The following DKK2 variants were observed in gnomAD, a reference collection of about 807,000 sequenced individuals.
DKK2 encodes the protein dickkopf-related protein 2.
In DKK2, 11 loss-of-function variants were observed where a neutral mutation model predicts 28.1. The ratio of observed to expected loss-of-function variants is 0.39; its 90% CI spans 0.25 to 0.65. DKK2 has a LOEUF of 0.65. Ranked by LOEUF, DKK2 falls within the 30% of genes least tolerant of loss-of-function variation. The probability of loss-of-function intolerance (pLI) is 0.47; values close to 1 mark genes in which losing one functional copy is unlikely to be tolerated. For synonymous variants in DKK2, 135 were observed against 126.5 expected (o/e 1.07, Z -0.45); for missense variants, 326 against 335.5 (o/e 0.97, Z 0.22).
intron 1 of DKK2, among the ~76,000 whole-genome samples, chr4:106,997,288 A>G (rs1723286488): frequency 6.6e-6 from 1 of 152,196 alleles, no homozygotes; most frequent in African/African-American, 2.4e-5. Context: ...CTTTCAAAAA[A>G]TATTTATGAA....
In DKK2 at chr4:106,955,114, A is replaced by T. The variant is rs533665696; in HGVS notation, c.223-29165T>A. Among the ~76,000 whole-genome samples the T allele has an allele frequency of 5.3e-5, 8 of 152,284 alleles. No homozygotes were observed. In the South Asian group the frequency reaches 1.5e-3, roughly 28 times the overall value. On this transcript the variant is annotated intron_variant, in intron 1 of 3. Coordinates refer to ENST00000285311, the MANE Select transcript of DKK2 (RefSeq NM_014421.3). ...ATCAAGTAATAATGAACAAGACATA[A>T]TGTACTATAATTTAATGTTAATTAT...
intron 1 of DKK2, among the ~76,000 whole-genome samples, chr4:106,992,248 A>C (rs972681136): frequency 3.8e-4 from 58 of 152,324 alleles, no homozygotes; most frequent in African/African-American, 1.1e-3. Context: ...CTAAAGGTTT[A>C]GGTTTACTAA....
intron 1 of DKK2, among the ~76,000 whole-genome samples, chr4:106,929,988 G>A (rs527460957): frequency 1.3e-5 from 2 of 152,248 alleles, no homozygotes; most frequent in African/African-American, 2.4e-5. Flanking sequence ...GGTGACCTAT[G>A]TGCTGAAGTT....
intron 1 of DKK2, among the ~76,000 whole-genome samples, chr4:106,994,453 A>T (rs1267781494): frequency 6.8e-6 from 1 of 147,886 alleles, no homozygotes; most frequent in African/African-American, 2.5e-5. Context: ...CTCTTTTCCT[A>T]TCTCTCTCTT....
chr4:107,031,782 T>C (rs1291983870), intron 1 of DKK2, among the ~76,000 whole-genome samples: 3 of 151,874 alleles, frequency 2.0e-5, no homozygotes, highest in African/African-American at 4.8e-5. Flanking sequence ...AATCCAAAGG[T>C]TTTTCATTCA....
At chr4:106,939,968 T>C (rs1007784350) in intron 1 of DKK2, among the ~76,000 whole-genome samples, 1 of 152,172 alleles carries the variant, frequency 6.6e-6, no homozygotes, top group Non-Finnish European at 1.5e-5. Flanking sequence ...TCAAGATGGA[T>C]TACAGACTTA....
Position 107,035,427 on chromosome 4 carries a change from C to A in DKK2, c.165G>T (p.Ala55=). The A allele has an allele frequency of 6.2e-7, 1 of 1,614,184 alleles. No individual in the cohort carries two copies. The highest frequency in any genetic ancestry group is 1.1e-5 in the South Asian group (1 of 91,086). ...CGAATGCCAGTCCTTGGTACATGCCCGCAGATCGATTGGCGGCCTGACCAG... is the reference window on the plus strand; with the variant it reads ...CGAATGCCAGTCCTTGGTACATGCCAGCAGATCGATTGGCGGCCTGACCAG... ...ETPGQAANRS[A]GMYQGLAFGG... The change falls in exon 1 of 4, where the codon GCG becomes GCT. Residue 55 remains alanine, a synonymous_variant. Coordinates refer to ENST00000285311, the MANE Select transcript of DKK2 (RefSeq NM_014421.3).
At chr4:106,997,174 T>C (rs983372725) in intron 1 of DKK2, among the ~76,000 whole-genome samples, 1 of 152,170 alleles carries the variant, frequency 6.6e-6, no homozygotes, top group African/African-American at 2.4e-5. Context: ...CTTTTTCCAG[T>C]TATAATACAG....
At chr4:106,960,179 A>C (rs899706734) in intron 1 of DKK2, among the ~76,000 whole-genome samples, 4 of 150,402 alleles carry the variant, frequency 2.7e-5, no homozygotes, top group African/African-American at 9.7e-5. Context: ...TAGTAATACT[A>C]CTATAATAGA....
intron 1 of DKK2, among the ~76,000 whole-genome samples, chr4:107,027,639 C>T (rs1560595054): frequency 6.6e-6 from 1 of 152,092 alleles, no homozygotes; most frequent in Non-Finnish European, 1.5e-5. Flanking sequence ...GGGGCTATCT[C>T]ACTTTGGAAA....
At chr4:106,958,500 C>A (rs1722635719) in intron 1 of DKK2, among the ~76,000 whole-genome samples, 1 of 151,884 alleles carries the variant, frequency 6.6e-6, no homozygotes, top group Admixed American at 6.6e-5. Flanking sequence ...TTTATGGGGG[C>A]ATGCCAAGCA....
At chr4:107,023,466 A>G (rs1217763165) in intron 1 of DKK2, among the ~76,000 whole-genome samples, 3 of 152,098 alleles carry the variant, frequency 2.0e-5, no homozygotes, top group African/African-American at 7.2e-5. Flanking sequence ...AAGATAATGA[A>G]TATCAGGCAT....
intron 1 of DKK2, among the ~76,000 whole-genome samples, chr4:106,932,179 G>A (rs983593182): frequency 6.6e-6 from 1 of 152,094 alleles, no homozygotes; most frequent in Non-Finnish European, 1.5e-5. Flanking sequence ...TTTAAGGCTA[G>A]GGTAGTTAGA....
intron 2 of DKK2, among the ~76,000 whole-genome samples, chr4:106,925,332 T>C (rs942172390): frequency 1.1e-4 from 16 of 152,246 alleles, no homozygotes; most frequent in African/African-American, 3.6e-4. Context: ...TCATTGATAT[T>C]GGATGAAGCC....
At chr4:106,982,844 C>A (rs548586983) in intron 1 of DKK2, among the ~76,000 whole-genome samples, 2 of 148,052 alleles carry the variant, frequency 1.4e-5, no homozygotes, top group South Asian at 4.3e-4. Context: ...TCACAACTAG[C>A]CTGGGCAACA....
chr4:106,956,766 G>A (rs1448071033), intron 1 of DKK2, among the ~76,000 whole-genome samples: 2 of 151,684 alleles, frequency 1.3e-5, no homozygotes, highest in African/African-American at 4.9e-5. Flanking sequence ...ATGGATTAAA[G>A]ACTTAAACAT....
intron 1 of DKK2, among the ~76,000 whole-genome samples, chr4:106,944,214 A>T (rs1026919339): frequency 7.9e-5 from 12 of 152,086 alleles, no homozygotes; most frequent in Admixed American, 6.6e-5. Flanking sequence ...ATTTTTCCAA[A>T]TGCTTGCCTC....
At chr4:106,977,356 C>T (rs1722960691) in intron 1 of DKK2, among the ~76,000 whole-genome samples, 1 of 152,152 alleles carries the variant, frequency 6.6e-6, no homozygotes, top group Non-Finnish European at 1.5e-5. Context: ...TTCCATTCTC[C>T]CCGTTACTTT....
At chr4:106,983,391 AAAAG>A (rs1445793469) in intron 1 of DKK2, among the ~76,000 whole-genome samples, 2 of 147,514 alleles carry the variant, frequency 1.4e-5, no homozygotes, top group African/African-American at 5.1e-5. Context: ...AAAGAAAAGA[AAAAG>A]AAAAAACTTC....
Sources: gnomAD v4.1 joint callset for allele counts (sites outside exome capture counted in the v4.1 genomes callset) on GRCh38, gnomAD v4.1.1 for gene constraint, MANE v1.5 for transcripts, NCBI Gene and HGNC (gene_info 2026-07-23, HGNC 2026-07-21) for gene names.